The following IL12RB1 variants were observed in gnomAD, a reference collection of about 807,000 sequenced individuals.
IL12RB1 encodes interleukin 12 receptor subunit beta 1, also known as interleukin-12 receptor subunit beta-1.
Under a neutral mutation model 94.4 loss-of-function variants are expected in IL12RB1, and 64 were observed. The observed-to-expected ratio is 0.68, with a 90% CI of 0.55 to 0.83. IL12RB1 has a LOEUF of 0.83. IL12RB1 is among the 40% of genes least tolerant of loss of function. The pLI, the probability that IL12RB1 is intolerant of heterozygous loss-of-function variation, is 0.00. For synonymous variants in IL12RB1, 362 were observed against 355.5 expected (o/e 1.02, Z -0.21); for missense variants, 814 against 855.6 (o/e 0.95, Z 0.61).
chr19:18,076,588 G>C (rs1377017965), intron 5 of IL12RB1, among the ~76,000 whole-genome samples: 2 of 152,030 alleles, frequency 1.3e-5, no homozygotes, highest in Non-Finnish European at 2.9e-5. Context: ...ATTTTTGGTA[G>C]AGACGGGATT....
intron 1 of IL12RB1, among the ~76,000 whole-genome samples, chr19:18,084,065 A>G (rs948309878): frequency 4.0e-5 from 6 of 149,376 alleles, no homozygotes; most frequent in African/African-American, 1.2e-4. Context: ...CCACCCATTT[A>G]CCCATCCATC....
chr19:18,093,057 C>A (rs2036707196), intron 1 of IL12RB1, among the ~76,000 whole-genome samples: 1 of 151,890 alleles, frequency 6.6e-6, no homozygotes, highest in African/African-American at 2.4e-5. Context: ...GTAATCCTAG[C>A]ACTTTGGGAG....
chr19:18,064,133 TC>T, intron 12 of IL12RB1, 123 bp from the exon 13 acceptor site: 23 of 550,134 alleles, frequency 4.2e-5, no homozygotes, highest in South Asian at 1.3e-4. Context: ...CTCTACTCTT[TC>T]TTTCTTTTTT....
At position 18,075,767 on chromosome 19, in the gene IL12RB1, G is replaced by T; in HGVS notation, c.682C>A (p.Pro228Thr). The T allele has an allele frequency of 2.5e-6, 4 of 1,612,900 alleles. No homozygotes were observed. Among genetic ancestry groups the T allele is most frequent in the African/African-American group, 2.7e-5 (2 of 75,024 alleles). Residue 228 changes from proline to threonine, a missense_variant, in exon 7 of 17, where the codon CCC becomes ACC. Pro to Thr is a conservative substitution (Grantham distance 38). Transcript: ENST00000593993. Reference protein sequence around the residue: ...QGSSWSKWSSPVCVPPENPPQ... With the variant: ...QGSSWSKWSSTVCVPPENPPQ... The stretch of plus-strand genomic sequence containing the variant: ...ATCTTACCAGGGGGAACGCACACGG[G>T]GCTGCTCCACTTGCTCCAGGAACTT...
chr19:18,069,677 C>T lies in IL12RB1; in HGVS notation c.1058G>A (p.Gly353Glu), dbSNP rs111768826. The change falls in exon 10 of 17, where the codon GGG becomes GAG. Residue 353 changes from glycine to glutamate, a missense_variant. Physicochemically the swap from Gly to Glu is moderately conservative, Grantham distance 98. Coordinates refer to ENST00000593993, the MANE Select transcript of IL12RB1 (RefSeq NM_005535.3). ...VALNISVGTNGTTMYWPARAQ... is the reference protein window; with the variant it reads ...VALNISVGTNETTMYWPARAQ... ...CCGGGCTGGCCAATACATGGTGGTCCCGTTGGTTCCGACGCTGATATTCAG... is the reference window on the plus strand; with the variant it reads ...CCGGGCTGGCCAATACATGGTGGTCTCGTTGGTTCCGACGCTGATATTCAG... 80 of 1,612,790 alleles carry T rather than the reference C, an allele frequency of 5.0e-5. No homozygotes were observed. The highest frequency in any genetic ancestry group is 1.5e-4 in the African/African-American group (11 of 75,016).
At chr19:18,069,477 T>A (rs1041424059) in intron 10 of IL12RB1, 69 bp downstream of exon 10, 15 of 1,444,544 alleles carry the variant, frequency 1.0e-5, no homozygotes, top group Middle Eastern at 2.4e-4. Flanking sequence ...CCCTGCAGGT[T>A]TGAACCCACC....
Position 18,062,249 on chromosome 19 carries a change from G to T in IL12RB1, c.1647C>A (p.Phe549Leu). The T allele has an allele frequency of 6.2e-7, 1 of 1,612,978 alleles. No homozygotes were observed. The change falls in exon 14 of 17, where the codon TTC becomes TTA. Residue 549 changes from phenylalanine to leucine, a missense_variant. Phe to Leu is a conservative substitution (Grantham distance 22). Coordinates refer to ENST00000593993, the MANE Select transcript of IL12RB1 (RefSeq NM_005535.3). ...IEVQVSDWLIFFASLGSFLSI... is the reference protein window; with the variant it reads ...IEVQVSDWLILFASLGSFLSI... ...TCAGGAAGCTCCCCAGGGAGGCGAA[G>T]AAGATGAGCCAATCAGAAACCTGCA...
upstream of IL12RB1, among the ~76,000 whole-genome samples, chr19:18,089,469 A>G (rs2036536700): frequency 6.6e-6 from 1 of 151,980 alleles, no homozygotes; most frequent in African/African-American, 2.4e-5. Context: ...TACTAAAAAT[A>G]CAAAAATTAG....
upstream of IL12RB1, among the ~76,000 whole-genome samples, chr19:18,088,408 T>TATATATATATA (rs1555788630): frequency 7.6e-5 from 11 of 145,536 alleles, no homozygotes; most frequent in African/African-American, 1.3e-4. Context: ...TATATATAAA[T>TATATATATATA]TAAAAGTTAG....
At chr19:18,085,970 C>T (rs965530363) in intron 1 of IL12RB1, among the ~76,000 whole-genome samples, 8 of 151,200 alleles carry the variant, frequency 5.3e-5, no homozygotes, top group Non-Finnish European at 1.2e-4. Context: ...AATCTGAGCA[C>T]TTTGGGAGGC....
chr19:18,087,572 T>G (rs1431048653), upstream of IL12RB1, among the ~76,000 whole-genome samples: 1 of 151,726 alleles, frequency 6.6e-6, no homozygotes, highest in Non-Finnish European at 1.5e-5. Flanking sequence ...TGTAGTGCAG[T>G]GGTGCAATCA....
At chr19:18,066,042 ATT>A (rs1315880447) in intron 12 of IL12RB1, among the ~76,000 whole-genome samples, 4 of 141,348 alleles carry the variant, frequency 2.8e-5, no homozygotes, top group African/African-American at 1.2e-4. Flanking sequence ...TGTCTATAAA[ATT>A]AAAAAAAAAA....
intron 1 of IL12RB1, among the ~76,000 whole-genome samples, chr19:18,086,546 T>A (rs2036354284): frequency 6.6e-6 from 1 of 151,948 alleles, no homozygotes; most frequent in Non-Finnish European, 1.5e-5. Flanking sequence ...GTGGAAAAAA[T>A]TTAGTGCATT....
chr19:18,063,788 G>T, intron 13 of IL12RB1, 88 bp downstream of exon 13: 1 of 1,232,992 alleles, frequency 8.1e-7, no homozygotes, highest in Non-Finnish European at 1.1e-6. Flanking sequence ...GAGGGAGTGA[G>T]AGTGAGGGCA....
At chr19:18,081,826 AG>A (rs1202379767) in intron 3 of IL12RB1, among the ~76,000 whole-genome samples, 1 of 147,520 alleles carries the variant, frequency 6.8e-6, no homozygotes, top group African/African-American at 2.5e-5. Flanking sequence ...TCTCAAAAAA[AG>A]AAAAAAAGAA....
At chr19:18,071,673 T>C (rs1456628647) in intron 9 of IL12RB1, among the ~76,000 whole-genome samples, 2 of 151,950 alleles carry the variant, frequency 1.3e-5, no homozygotes, top group Admixed American at 1.3e-4. Flanking sequence ...ATCTTGATTA[T>C]TGAATTTTTT....
At chr19:18,069,740 G>A (rs138116622) in intron 9 of IL12RB1, 27 bp from the exon 10 acceptor site, 4 of 1,560,596 alleles carry the variant, frequency 2.6e-6, no homozygotes, top group South Asian at 1.1e-5. Flanking sequence ...GAGACGCATC[G>A]AGACAGTTGC....
At chr19:18,060,677 CCCTCTGGTTCTAG>C (rs1412030267) in intron 15 of IL12RB1, among the ~76,000 whole-genome samples, 1 of 152,124 alleles carries the variant, frequency 6.6e-6, no homozygotes, top group Non-Finnish European at 1.5e-5. Flanking sequence ...CCTTCCCTAC[CCCTCTGGTTCTAG>C]CCATAGGCTC....
chr19:18,073,389 A>G, intron 8 of IL12RB1, 128 bp downstream of exon 8: 2 of 712,470 alleles, frequency 2.8e-6, no homozygotes, highest in East Asian at 5.3e-5. Flanking sequence ...TAAACCCACA[A>G]TTTGCCCACT....
Sources: allele counts gnomAD v4.1 joint callset (sites outside exome capture counted in the v4.1 genomes callset), GRCh38; gene constraint gnomAD v4.1.1; transcripts MANE v1.5; gene names NCBI Gene and HGNC (gene_info 2026-07-23, HGNC 2026-07-21).